HELLS: variants seen among roughly 807,000 people sequenced by gnomAD.
HELLS encodes the protein helicase, lymphoid specific.
Under a neutral mutation model 120.0 loss-of-function variants are expected in HELLS, and 32 were observed. The observed-to-expected ratio is 0.27, with a 90% confidence interval of 0.20 to 0.36. HELLS has a LOEUF of 0.36. Among genes scored for constraint, HELLS ranks in the 10% least tolerant of loss-of-function variants. HELLS has a pLI of 1.00. For synonymous variants in HELLS, 341 were observed against 323.4 expected (o/e 1.05, Z -0.58); for missense variants, 650 against 993.4 (o/e 0.65, Z 4.65).
chr10:94,566,269 A>G (rs1467055853), intron 6 of HELLS, among the ~76,000 whole-genome samples: 1 of 152,174 alleles, frequency 6.6e-6, no homozygotes. Context: ...AAAGGAAATG[A>G]TATCTGTGTT....
At position 94,576,158 on chromosome 10, in the gene HELLS, G is replaced by T. The variant is rs146553679; in HGVS notation, c.889-504G>T. On this transcript the variant is annotated intron_variant, in intron 9 of 21. Coordinates refer to ENST00000348459, the MANE Select transcript of HELLS (RefSeq NM_018063.5). ...AGACAGGATGTTGCTCTGTTGCTCA[G>T]GCTGGAGTGCAGTGGCGTCATTCTG... 9.9e-5 allele frequency among the ~76,000 whole-genome samples: 15 copies of T among 152,092 alleles called. 1 individual carries two copies. In the East Asian group the frequency reaches 2.9e-3, roughly 29 times the overall value.
At chr10:94,580,882 G>A (rs1844835376) in intron 10 of HELLS, among the ~76,000 whole-genome samples, 1 of 152,124 alleles carries the variant, frequency 6.6e-6, no homozygotes, top group Admixed American at 6.5e-5. Flanking sequence ...AAGTGAGTGG[G>A]TGACTTTCTG....
intron 15 of HELLS, among the ~76,000 whole-genome samples, chr10:94,592,011 T>C (rs1289924395): frequency 1.3e-5 from 2 of 152,226 alleles, no homozygotes; most frequent in Admixed American, 6.5e-5. Context: ...ATCAAAGTTA[T>C]ATTTGTACTT....
At chr10:94,546,059 G>C in intron 1 of HELLS, 107 bp downstream of exon 1, 1 of 1,294,136 alleles carries the variant, frequency 7.7e-7, no homozygotes, top group Non-Finnish European at 1.1e-6. Flanking sequence ...CCCGGGCAGG[G>C]ACTGAGGAGG....
At position 94,593,476 on chromosome 10, in the gene HELLS, A is replaced by G. The variant is rs201128633; in HGVS notation, c.1972-23A>G. 81 of 1,385,926 alleles carry G rather than the reference A, an allele frequency of 5.8e-5. No homozygotes were observed. In the African/African-American group the frequency reaches 7.9e-4, roughly 14 times the overall value. The allele number at this position is 1,385,926 out of a possible 1,614,324, so 85.9% of individuals were successfully genotyped here. A position where few individuals can be genotyped will look rare whatever the true frequency, so the allele number is the denominator to read the frequency against. On this transcript the variant is annotated intron_variant, in intron 17 of 21. Transcript: ENST00000348459. ...TGGTTAATTTATTTTAATCTGTTGT[A>G]TTTACATCCTTTTTGCTTTTAGATG...
chr10:94,588,425 T>A, intron 13 of HELLS, 35 bp downstream of exon 13: 1 of 1,452,024 alleles, frequency 6.9e-7, no homozygotes, highest in Non-Finnish European at 9.2e-7. Context: ...TAAATGAAAC[T>A]TGACATATAA....
chr10:94,609,453 A>G (rs956513458), intron 9 of HELLS, among the ~76,000 whole-genome samples: 2 of 152,206 alleles, frequency 1.3e-5, no homozygotes, highest in African/African-American at 2.4e-5. Flanking sequence ...CATAGCAAAA[A>G]CTATGATAGG....
intron 21 of HELLS, among the ~76,000 whole-genome samples, chr10:94,599,605 C>G (rs10882481): frequency 0.37 from 55,955 of 152,002 alleles, 10,842 homozygotes; most frequent in East Asian, 0.68. Context: ...GATCTGTCTG[C>G]CTCATCCTCC....
intron 11 of HELLS, among the ~76,000 whole-genome samples, 185 bp downstream of exon 11, chr10:94,581,707 A>G (rs1230313329): frequency 1.3e-5 from 2 of 152,220 alleles, no homozygotes; most frequent in African/African-American, 2.4e-5. Flanking sequence ...TTTAAAACTT[A>G]CTTGCATTGA....
chr10:94,574,455 C>A, intron 8 of HELLS, 99 bp from the exon 9 acceptor site: 1 of 926,524 alleles, frequency 1.1e-6, no homozygotes, highest in East Asian at 2.4e-5. Flanking sequence ...ACATAATTCT[C>A]ATCTTTGGGT....
intron 8 of HELLS, 91 bp from the exon 9 acceptor site, chr10:94,574,463 G>T (rs1316117090): frequency 8.3e-6 from 8 of 964,022 alleles, no homozygotes; most frequent in Non-Finnish European, 1.3e-5. Flanking sequence ...CTCATCTTTG[G>T]GTGTGATTTT....
At chr10:94,587,407 A>G (rs1408169429) in intron 12 of HELLS, among the ~76,000 whole-genome samples, 1 of 152,114 alleles carries the variant, frequency 6.6e-6, no homozygotes, top group African/African-American at 2.4e-5. Context: ...TTGTGTTACA[A>G]ATGATCCAGT....
chr10:94,571,211 A>G, intron 6 of HELLS, 177 bp from the exon 7 acceptor site: 1 of 472,336 alleles, frequency 2.1e-6, no homozygotes, highest in Non-Finnish European at 3.8e-6. Context: ...GAATGTTATG[A>G]AATATTATGA....
chr10:94,574,712 T>C lies in HELLS; in HGVS notation c.864T>C (p.Ala288=). 1.2e-6 allele frequency: 2 copies of C among 1,613,190 alleles called. No individual in the cohort carries two copies. The highest frequency in any genetic ancestry group is 1.7e-6 in the Non-Finnish European group (2 of 1,179,524). The change falls in exon 9 of 22, where the codon GCT becomes GCC. Residue 288 remains alanine, a synonymous_variant. Transcript: ENST00000348459. ...TGTCTACACTTCCTAACTGGATGGC[T>C]GAATTCAAAAGATTTACACCAGATG... ...GPLSTLPNWM[A]EFKRFTPDIP... is the part of the protein sequence containing the mutation.
At chr10:94,548,248 A>G (rs1842833176) in intron 2 of HELLS, among the ~76,000 whole-genome samples, 1 of 152,218 alleles carries the variant, frequency 6.6e-6, no homozygotes, top group African/African-American at 2.4e-5. Flanking sequence ...AAGATTATAT[A>G]CATATACTAA....
chr10:94,571,714 C>T (rs988886156), intron 7 of HELLS, among the ~76,000 whole-genome samples: 6 of 152,168 alleles, frequency 3.9e-5, no homozygotes, highest in South Asian at 2.1e-4. Flanking sequence ...TACAAGTGCT[C>T]GTAACCATGT....
chr10:94,572,477 C>A (rs1402127893), intron 7 of HELLS, among the ~76,000 whole-genome samples: 1 of 152,148 alleles, frequency 6.6e-6, no homozygotes, highest in Non-Finnish European at 1.5e-5. Context: ...CTCAACATGT[C>A]TGTGATACTC....
At chr10:94,591,213 G>C (rs1440737262) in intron 15 of HELLS, among the ~76,000 whole-genome samples, 2 of 152,096 alleles carry the variant, frequency 1.3e-5, no homozygotes, top group East Asian at 3.8e-4. Context: ...TTTGTACTCT[G>C]CATGTTTACT....
chr10:94,582,647 T>C (rs1021481932), intron 11 of HELLS, among the ~76,000 whole-genome samples: 10 of 152,164 alleles, frequency 6.6e-5, no homozygotes, highest in Admixed American at 6.5e-5. Context: ...TTCTCACTTT[T>C]GTAATGTAAA....
Sources: gnomAD v4.1 joint callset for allele counts (sites outside exome capture counted in the v4.1 genomes callset) on GRCh38, gnomAD v4.1.1 for gene constraint, MANE v1.5 for transcripts, NCBI Gene and HGNC (gene_info 2026-07-23, HGNC 2026-07-21) for gene names.